Variants in MMRN1 observed in about 807,000 individuals in gnomAD.
MMRN1 encodes the protein multimerin 1.
In MMRN1, 94 loss-of-function variants were observed where a neutral mutation model predicts 100.7. That is an observed-to-expected ratio of 0.93 (90% CI 0.79 to 1.11). The LOEUF is 1.11. Ranked by LOEUF, MMRN1 falls within the 50% of genes least tolerant of loss-of-function variation. The pLI, the probability that MMRN1 is intolerant of heterozygous loss-of-function variation, is 0.00. For synonymous variants in MMRN1, 575 were observed against 505.0 expected, an observed-to-expected ratio of 1.14 and a Z score of -1.86; for missense variants, 1,606 against 1,439.1, an observed-to-expected ratio of 1.12 and a Z score of -1.88.
chr4:89,887,258 A>G (rs1369141363), intron 1 of MMRN1, among the ~76,000 whole-genome samples: 2 of 152,124 alleles, frequency 1.3e-5, no homozygotes, highest in Non-Finnish European at 2.9e-5. Context: ...TGCAATCCCT[A>G]TCAAAATACC....
chr4:89,903,910 A>AAC (rs1560582389), intron 1 of MMRN1, among the ~76,000 whole-genome samples: 1 of 147,652 alleles, frequency 6.8e-6, no homozygotes, highest in Admixed American at 6.8e-5. Context: ...AAAAAAAAAA[A>AAC]AAACTCTAGG....
chr4:89,900,981 GA>G lies in MMRN1; in HGVS notation c.623+5389del, dbSNP rs564961673. 2.1e-3 allele frequency among the ~76,000 whole-genome samples: 314 copies of G among 152,022 alleles called. 5 individuals carry two copies. The South Asian group carries it at 0.025, about 12-fold the overall frequency. ...AGAGCAAAGGAAGAAAATATTTTAA[GA>G]AGGAGGTAAGTGATCAACAGTGTGA... is the stretch of plus-strand genomic sequence containing the variant. On this transcript the variant is annotated intron_variant, in intron 1 of 7. Coordinates refer to ENST00000264790, the MANE Select transcript of MMRN1 (RefSeq NM_007351.3).
Position 89,927,928 on chromosome 4 carries a change from C to A in MMRN1, c.1089C>A (p.Val363=). The change falls in exon 5 of 8, where the codon GTC becomes GTA. Residue 363 remains valine (V), a synonymous_variant. Transcript: ENST00000264790. ...CTTACTCCTCCCTAGAAGGAAAAGTCAGCGAAGATAAAAGCAGAGAATTTC... is the reference window on the plus strand; with the variant it reads ...CTTACTCCTCCCTAGAAGGAAAAGTAAGCGAAGATAAAAGCAGAGAATTTC... The part of the protein sequence containing the change: ...RNTYSSLEGK[V]SEDKSREFQS... 1 of 1,605,618 alleles carries A rather than the reference C, an allele frequency of 6.2e-7. No individual in the cohort carries two copies. The highest frequency in any genetic ancestry group is 8.5e-7 in the Non-Finnish European group (1 of 1,176,764).
rs377031358 is a variant in MMRN1 at position 89,935,826 on chromosome 4, C to T, written c.2146C>T (p.Arg716Cys). The change falls in exon 6 of 8, where the codon CGT becomes TGT. Residue 716 changes from arginine to cysteine, a missense_variant. Coordinates refer to ENST00000264790, the MANE Select transcript of MMRN1 (RefSeq NM_007351.3). ...VQGRDDALERRINEYALEMED... is the reference protein window; with the variant it reads ...VQGRDDALERCINEYALEMED... ...GGGTCGTGATGATGCCTTAGAAAGA[C>T]GTATCAATGAATATGCCTTAGAAAT... The T allele has an allele frequency of 4.0e-5, 65 of 1,613,028 alleles. No homozygotes were observed. In the African/African-American group the frequency reaches 6.9e-4, roughly 17 times the overall value.
At chr4:89,913,152 A>C (rs564825075) in intron 3 of MMRN1, among the ~76,000 whole-genome samples, 36 of 151,376 alleles carry the variant, frequency 2.4e-4, no homozygotes, top group Middle Eastern at 3.4e-3. Flanking sequence ...TGAAGTACAC[A>C]AATATATACT....
At chr4:89,910,553 T>G (rs1160946314) in intron 2 of MMRN1, among the ~76,000 whole-genome samples, 3 of 151,404 alleles carry the variant, frequency 2.0e-5, no homozygotes, top group African/African-American at 7.3e-5. Flanking sequence ...GCAACAGATA[T>G]TCAGTTTGCC....
intron 1 of MMRN1, among the ~76,000 whole-genome samples, chr4:89,886,763 G>C (rs1720945177): frequency 6.6e-6 from 1 of 151,860 alleles, no homozygotes; most frequent in African/African-American, 2.4e-5. Flanking sequence ...TGGAGTACAT[G>C]TGATATTTTG....
chr4:89,946,897 T>C (rs541406238), intron 6 of MMRN1, among the ~76,000 whole-genome samples: 106 of 152,200 alleles, frequency 7.0e-4, no homozygotes, highest in African/African-American at 2.3e-3. Context: ...ATTGAACTAA[T>C]TGCACTGATC....
chr4:89,949,796 C>G (rs139924155), intron 6 of MMRN1, among the ~76,000 whole-genome samples: 8 of 151,938 alleles, frequency 5.3e-5, no homozygotes, highest in Non-Finnish European at 8.8e-5. Flanking sequence ...ACAGGCATGC[C>G]GTTTGTTCAC....
chr4:89,935,273 T>C lies in MMRN1; in HGVS notation c.1593T>C (p.Asn531=), dbSNP rs776521768. The C allele has an allele frequency of 1.7e-5, 27 of 1,613,692 alleles. No individual in the cohort carries two copies. The East Asian group carries it at 2.0e-4, about 12-fold the overall frequency. Residue 531 remains asparagine (N), a synonymous_variant, in exon 6 of 8, where the codon AAT becomes AAC. Transcript: ENST00000264790. ...CTGAACAGGTATCAGACCAGAAGAATGCTCCAGCTGCTGAGTCAGTTAGCA... is the reference window on the plus strand; with the variant it reads ...CTGAACAGGTATCAGACCAGAAGAACGCTCCAGCTGCTGAGTCAGTTAGCA... ...LSTEQVSDQK[N]APAAESVSNN...
rs776150670 is a variant in MMRN1 at position 89,935,591 on chromosome 4, G to T, written c.1911G>T (p.Glu637Asp). 3 of 1,613,504 alleles carry T rather than the reference G, an allele frequency of 1.9e-6. No homozygotes were observed. The highest frequency in any genetic ancestry group is 2.5e-6 in the Non-Finnish European group (3 of 1,179,726). The change falls in exon 6 of 8, where the codon GAG becomes GAT. Residue 637 changes from glutamate (E) to aspartate (D), a missense_variant. Physicochemically the swap from Glu to Asp is conservative, Grantham distance 45. Transcript: ENST00000264790. ...PMDNKMDKMS[E>D]QLNDLTYDME... ...ACAATAAGATGGACAAAATGAGTGA[G>T]CAACTAAATGATTTGACTTATGATA... is the stretch of plus-strand genomic sequence containing the variant.
At chr4:89,933,725 G>C (rs572057080) in intron 5 of MMRN1, among the ~76,000 whole-genome samples, 1 of 152,118 alleles carries the variant, frequency 6.6e-6, no homozygotes, top group African/African-American at 2.4e-5. Flanking sequence ...CCACCCCCGT[G>C]ATTCAATTAC....
chr4:89,936,095 C>G lies in MMRN1; in HGVS notation c.2415C>G (p.Thr805=). The change falls in exon 6 of 8, where the codon ACC becomes ACG. Residue 805 remains threonine, a synonymous_variant. Coordinates refer to ENST00000264790, the MANE Select transcript of MMRN1 (RefSeq NM_007351.3). The part of the protein sequence containing the change: ...RYNFVLQVAK[T]LAGIPRDEKL... Reference sequence around the variant, plus strand: ...ACTTTGTTTTGCAAGTCGCCAAGACCCTTGCAGGTATTCCCAGAGATGAGA... The same window carrying G: ...ACTTTGTTTTGCAAGTCGCCAAGACGCTTGCAGGTATTCCCAGAGATGAGA... 6.2e-7 allele frequency: 1 copy of G among 1,612,240 alleles called. No individual in the cohort carries two copies. Among genetic ancestry groups the G allele is most frequent in the Non-Finnish European group, 8.5e-7 (1 of 1,179,412 alleles).
chr4:89,943,017 G>A (rs370205137), intron 6 of MMRN1, among the ~76,000 whole-genome samples: 1 of 152,056 alleles, frequency 6.6e-6, no homozygotes, highest in Non-Finnish European at 1.5e-5. Context: ...GGAAACTCTG[G>A]GTGTGGGTGA....
chr4:89,896,874 A>G (rs1721222142), intron 1 of MMRN1, among the ~76,000 whole-genome samples: 1 of 152,212 alleles, frequency 6.6e-6, no homozygotes, highest in Non-Finnish European at 1.5e-5. Context: ...GTAACTAAAA[A>G]AGTATTCACT....
intron 1 of MMRN1, among the ~76,000 whole-genome samples, chr4:89,895,848 T>C (rs1183631287): frequency 6.6e-6 from 1 of 152,222 alleles, no homozygotes; most frequent in Non-Finnish European, 1.5e-5. Context: ...GAGGTAGTTT[T>C]ACTTAGAATA....
Position 89,903,897 on chromosome 4 carries a change from G to GAAAAA in MMRN1, c.624-5367_624-5363dup, listed in dbSNP as rs71596503. On this transcript the variant is annotated intron_variant, in intron 1 of 7. Transcript: ENST00000264790. ...CTCACCCTTGCCTAATTCAGGATTA[G>GAAAAA]AAAAAAAAAAAAAAAACTCTAGGCA... 3.1e-3 allele frequency among the ~76,000 whole-genome samples: 399 copies of GAAAAA among 127,180 alleles called. 7 individuals carry two copies. Among genetic ancestry groups the GAAAAA allele is most frequent in the African/African-American group, 0.011 (382 of 33,568 alleles). 83.4% of individuals were successfully genotyped at this position (127,180 alleles called of 152,430 possible).
At chr4:89,947,302 A>G (rs1416553254) in intron 6 of MMRN1, among the ~76,000 whole-genome samples, 1 of 151,902 alleles carries the variant, frequency 6.6e-6, no homozygotes, top group African/African-American at 2.4e-5. Flanking sequence ...CAAATAAATA[A>G]ATAAATAGAT....
chr4:89,945,600 T>C (rs1248877824), intron 6 of MMRN1, among the ~76,000 whole-genome samples: 1 of 152,154 alleles, frequency 6.6e-6, no homozygotes, highest in East Asian at 1.9e-4. Context: ...AATGTATTGG[T>C]CAGACAATGT....
Sources: gnomAD v4.1 joint callset for allele counts (sites outside exome capture counted in the v4.1 genomes callset) on GRCh38, gnomAD v4.1.1 for gene constraint, MANE v1.5 for transcripts, NCBI Gene and HGNC (gene_info 2026-07-23, HGNC 2026-07-21) for gene names.